The following NTM variants were observed in gnomAD, a reference collection of about 807,000 sequenced individuals.
The protein encoded by NTM is IgLON family member 2.
A neutral mutation model predicts 42.1 loss-of-function variants in NTM; 13 were observed. The ratio of observed to expected loss-of-function variants is 0.31; its 90% CI spans 0.20 to 0.49. The LOEUF is 0.49. NTM is among the 20% of genes least tolerant of loss of function. NTM has a pLI of 0.99. For synonymous variants in NTM, 187 were observed against 179.2 expected (o/e 1.04, Z -0.35); for missense variants, 373 against 452.8 (o/e 0.82, Z 1.60).
intron 1 of NTM, among the ~76,000 whole-genome samples, chr11:131,722,732 T>A (rs1207946025): frequency 1.3e-5 from 2 of 152,198 alleles, no homozygotes; most frequent in African/African-American, 4.8e-5. Flanking sequence ...ACAGACACTG[T>A]CTCCCATGAT....
chr11:131,907,758 A>G (rs192478280), intron 1 of NTM, among the ~76,000 whole-genome samples: 1 of 152,334 alleles, frequency 6.6e-6, no homozygotes, highest in Admixed American at 6.5e-5. Context: ...TTTGAATGTC[A>G]TCCCTTTTCA....
intron 2 of NTM, among the ~76,000 whole-genome samples, chr11:132,079,780 T>A (rs1382582309): frequency 6.6e-6 from 1 of 152,212 alleles, no homozygotes; most frequent in African/African-American, 2.4e-5. Flanking sequence ...TGCTCTCTTT[T>A]GTTTTGTATT....
At chr11:131,416,914 C>A (rs959912016) in intron 1 of NTM, among the ~76,000 whole-genome samples, 1 of 152,068 alleles carries the variant, frequency 6.6e-6, no homozygotes, top group African/African-American at 2.4e-5. Context: ...CATTTGGTGG[C>A]GAAATGATCA....
At chr11:132,218,506 C>T (rs566965807) in intron 4 of NTM, among the ~76,000 whole-genome samples, 53 of 152,258 alleles carry the variant, frequency 3.5e-4, no homozygotes, top group Admixed American at 1.2e-3. Context: ...GGACCTAGGG[C>T]GTAAGGCAAG....
chr11:131,844,754 A>G (rs1057180077), intron 1 of NTM, among the ~76,000 whole-genome samples: 1 of 152,068 alleles, frequency 6.6e-6, no homozygotes, highest in Non-Finnish European at 1.5e-5. Context: ...CTTTTAATTA[A>G]TCTTTGTTTT....
chr11:132,304,367 T>C (rs1282906829), intron 4 of NTM, among the ~76,000 whole-genome samples: 2 of 151,894 alleles, frequency 1.3e-5, no homozygotes, highest in Non-Finnish European at 2.9e-5. Context: ...CCCACTGATG[T>C]CTCTTAACCA....
intron 7 of NTM, among the ~76,000 whole-genome samples, chr11:132,318,655 C>T (rs1440810359): frequency 6.6e-6 from 1 of 152,210 alleles, no homozygotes; most frequent in African/African-American, 2.4e-5. Flanking sequence ...GCCGCGTGCA[C>T]TGCTGTCACC....
At chr11:132,283,625 A>G (rs2094099771) in intron 4 of NTM, among the ~76,000 whole-genome samples, 1 of 152,190 alleles carries the variant, frequency 6.6e-6, no homozygotes, top group African/African-American at 2.4e-5. Context: ...TTATATTCCT[A>G]AATGATGAAT....
chr11:131,754,040 C>A (rs2082949902), intron 1 of NTM, among the ~76,000 whole-genome samples: 1 of 147,310 alleles, frequency 6.8e-6, no homozygotes, highest in East Asian at 2.0e-4. Flanking sequence ...GGACAAAAAA[C>A]CAAACACCGC....
At chr11:132,221,345 T>C (rs1466581297) in intron 4 of NTM, among the ~76,000 whole-genome samples, 3 of 152,198 alleles carry the variant, frequency 2.0e-5, no homozygotes, top group African/African-American at 7.2e-5. Flanking sequence ...GTCTTCTTAT[T>C]AGCCCACCTT....
intron 1 of NTM, among the ~76,000 whole-genome samples, chr11:131,747,690 A>G (rs1438397856): frequency 7.9e-5 from 12 of 152,212 alleles, no homozygotes; most frequent in Non-Finnish European, 1.8e-4. Flanking sequence ...AGAGCCTTGT[A>G]TCACATGACT....
intron 6 of NTM, among the ~76,000 whole-genome samples, chr11:132,311,384 T>C (rs1349004062): frequency 2.0e-5 from 3 of 152,204 alleles, no homozygotes; most frequent in African/African-American, 7.2e-5. Flanking sequence ...TCTGGCAGCT[T>C]CTAGTGAGAT....
At chr11:131,448,102 G>A (rs1027688374) in intron 1 of NTM, among the ~76,000 whole-genome samples, 5 of 152,208 alleles carry the variant, frequency 3.3e-5, no homozygotes, top group Admixed American at 2.0e-4. Flanking sequence ...GTGCTTCCAC[G>A]TGCGAGTGTG....
chr11:132,244,465 A>G (rs2090740149), intron 4 of NTM, among the ~76,000 whole-genome samples: 1 of 152,244 alleles, frequency 6.6e-6, no homozygotes, highest in Non-Finnish European at 1.5e-5. Context: ...GATTGGGTCT[A>G]CCAATCTTCA....
At chr11:132,161,364 G>C (rs75835867) in intron 3 of NTM, among the ~76,000 whole-genome samples, 8,584 of 129,846 alleles carry the variant, frequency 0.066, 438 homozygotes, top group Middle Eastern at 0.16. Flanking sequence ...TTGGTCTTTC[G>C]AGCAGCTTTT....
At chr11:131,596,551 C>T (rs1235756950) in intron 1 of NTM, among the ~76,000 whole-genome samples, 2 of 152,250 alleles carry the variant, frequency 1.3e-5, no homozygotes, top group African/African-American at 4.8e-5. Context: ...ATGCCATCCC[C>T]TCTCTAGCCT....
chr11:131,495,488 C>T (rs1955244425), intron 1 of NTM, among the ~76,000 whole-genome samples: 2 of 152,244 alleles, frequency 1.3e-5, no homozygotes, highest in Non-Finnish European at 2.9e-5. Flanking sequence ...CTCTCTGCCC[C>T]ACTAACTTTC....
At position 131,525,151 on chromosome 11, in the gene NTM, C is replaced by A. The variant is rs138013094; in HGVS notation, c.82+154263C>A. 3.0e-3 allele frequency among the ~76,000 whole-genome samples: 457 copies of A among 152,172 alleles called. 1 individual carries two copies. The highest frequency in any genetic ancestry group is 9.7e-3 in the African/African-American group (403 of 41,512). On this transcript the variant is annotated intron_variant, in intron 1 of 8. Transcript: ENST00000683400. ...GGCCACCTGGGGAAGGGACATGGCC[C>A]CAGAGAGGTCTCTCTCCAGCAGGAT...
At chr11:131,742,279 C>A (rs552900548) in intron 1 of NTM, among the ~76,000 whole-genome samples, 1 of 152,116 alleles carries the variant, frequency 6.6e-6, no homozygotes, top group Non-Finnish European at 1.5e-5. Context: ...AAATTCTGGG[C>A]AAATTTTGTC....
Sources: allele counts gnomAD v4.1 joint callset (sites outside exome capture counted in the v4.1 genomes callset), GRCh38; gene constraint gnomAD v4.1.1; transcripts MANE v1.5; gene names NCBI Gene and HGNC (gene_info 2026-07-23, HGNC 2026-07-21).